The following CPNE4 variants were observed in gnomAD, a reference collection of about 807,000 sequenced individuals.
CPNE4 encodes the protein copine 4.
A neutral mutation model predicts 67.9 loss-of-function variants in CPNE4; 25 were observed. The ratio of observed to expected loss-of-function variants is 0.37; its 90% CI spans 0.27 to 0.51. The LOEUF is 0.51. CPNE4 is among the 20% of genes least tolerant of loss of function. CPNE4 has a pLI of 0.93. For missense variants in CPNE4, 464 were observed against 690.8 expected (o/e 0.67, Z 3.68); for synonymous variants, 242 against 244.9 (o/e 0.99, Z 0.11).
At chr3:131,869,675 C>CTTTATT (rs1265361321) in intron 2 of CPNE4, among the ~76,000 whole-genome samples, 3 of 152,086 alleles carry the variant, frequency 2.0e-5, no homozygotes, top group Admixed American at 6.6e-5. Flanking sequence ...TTTATTTTGA[C>CTTTATT]TTTATTTTTT....
intron 2 of CPNE4, among the ~76,000 whole-genome samples, chr3:131,834,523 T>C (rs964615288): frequency 6.6e-6 from 1 of 152,132 alleles, no homozygotes; most frequent in African/African-American, 2.4e-5. Flanking sequence ...TTATATGTGT[T>C]AGTAAAGAAT....
chr3:131,951,703 C>G (rs897809486), intron 1 of CPNE4, among the ~76,000 whole-genome samples: 1 of 152,172 alleles, frequency 6.6e-6, no homozygotes, highest in Non-Finnish European at 1.5e-5. Context: ...CCTGCGACTG[C>G]AAGCGCGTGC....
At chr3:131,942,467 A>T (rs199774404) in intron 1 of CPNE4, among the ~76,000 whole-genome samples, 1,558 of 34,966 alleles carry the variant, frequency 0.045, 2 homozygotes, top group African/African-American at 0.067. Flanking sequence ...TGTGTGTGAG[A>T]GAGAGAGAGA....
At chr3:131,609,653 G>T (rs1318000700) in intron 7 of CPNE4, among the ~76,000 whole-genome samples, 3 of 152,156 alleles carry the variant, frequency 2.0e-5, no homozygotes, top group Non-Finnish European at 4.4e-5. Flanking sequence ...CATGTTAAAT[G>T]ATACATGTAA....
chr3:131,535,233 A>G lies in CPNE4; in HGVS notation c.1636T>C (p.Ser546Pro). 4 of 1,613,716 alleles carry G rather than the reference A, an allele frequency of 2.5e-6. No homozygotes were observed. The highest frequency in any genetic ancestry group is 3.4e-6 in the Non-Finnish European group (4 of 1,179,942). ...GTTCTGGAAGATTCATACATTTCTG[A>G]TGAACATTTTGGTTTAATTCCTTTG... ...NGKGIKPKCS[S>P]EMYESSRTLA... The change falls in exon 16 of 16, where the codon TCA (serine) becomes CCA (proline). Residue 546 changes from serine (S) to proline (P), a missense_variant. Transcript: ENST00000429747.
At chr3:131,727,691 CAAGA>C (rs1352390639) in intron 2 of CPNE4, among the ~76,000 whole-genome samples, 27 of 152,158 alleles carry the variant, frequency 1.8e-4, no homozygotes, top group Admixed American at 1.6e-3. Context: ...TCACCACAAT[CAAGA>C]GAGTGAGCAT....
At chr3:131,673,980 T>C (rs1464338062) in intron 6 of CPNE4, among the ~76,000 whole-genome samples, 1 of 150,750 alleles carries the variant, frequency 6.6e-6, no homozygotes, top group Non-Finnish European at 1.5e-5. Context: ...TGTTGACGTA[T>C]GTTTCTTCTA....
rs1007370196 is a variant in CPNE4, at chr3:131,534,627, C to A, written c.*568G>T. 1.3e-5 allele frequency: 2 copies of A among 152,164 alleles called. No homozygotes were observed. Among genetic ancestry groups the A allele is most frequent in the Non-Finnish European group, 2.9e-5 (2 of 68,034 alleles). 9.4% of individuals were successfully genotyped at this position (152,164 alleles called of 1,614,324 possible). ...CCCAGACTTACCTCAAAAAGACTCACCTCAGAAAGAAGAAGTAAATAAACC... is the reference window on the plus strand; with the variant it reads ...CCCAGACTTACCTCAAAAAGACTCAACTCAGAAAGAAGAAGTAAATAAACC... On this transcript the variant is annotated 3_prime_UTR_variant, in exon 16 of 16. Transcript: ENST00000429747.
chr3:131,969,841 C>T (rs773521474), intron 1 of CPNE4, among the ~76,000 whole-genome samples: 1 of 152,166 alleles, frequency 6.6e-6, no homozygotes, highest in African/African-American at 2.4e-5. Flanking sequence ...GACCTAAGGA[C>T]CTCAGTTCCA....
Position 131,727,667 on chromosome 3 carries a change from T to C in CPNE4, c.181-4042A>G, listed in dbSNP as rs1341508420. Among the ~76,000 whole-genome samples, 9 of 152,292 alleles carry C rather than the reference T, an allele frequency of 5.9e-5. No homozygotes were observed. In the South Asian group the frequency reaches 1.5e-3, roughly 25 times the overall value. ...AATTCAATATGTTTTGACACATATA[T>C]ACTTGTGAAAACATCACCACAATCA... On this transcript the variant is annotated intron_variant, in intron 2 of 15. Coordinates refer to ENST00000429747, the MANE Select transcript of CPNE4 (RefSeq NM_130808.3).
At chr3:131,659,283 A>G (rs1173103494) in intron 7 of CPNE4, among the ~76,000 whole-genome samples, 2 of 151,222 alleles carry the variant, frequency 1.3e-5, no homozygotes, top group Non-Finnish European at 2.9e-5. Context: ...TTCTACTCAG[A>G]ATAATCCTTC....
At chr3:131,900,014 T>C (rs1258049226) in intron 2 of CPNE4, among the ~76,000 whole-genome samples, 1 of 152,036 alleles carries the variant, frequency 6.6e-6, no homozygotes, top group Non-Finnish European at 1.5e-5. Flanking sequence ...CTAACAGGGA[T>C]GCTAGGTCAT....
At chr3:131,977,332 C>T (rs944849095) in intron 1 of CPNE4, among the ~76,000 whole-genome samples, 6 of 152,056 alleles carry the variant, frequency 3.9e-5, no homozygotes, top group African/African-American at 1.4e-4. Flanking sequence ...AGCAAGACAC[C>T]ATTTTGTTGT....
At chr3:131,890,085 T>C (rs529752885) in intron 2 of CPNE4, among the ~76,000 whole-genome samples, 64 of 151,990 alleles carry the variant, frequency 4.2e-4, no homozygotes, top group African/African-American at 1.5e-3. Flanking sequence ...CATAGACAAG[T>C]GAGATAGTGT....
At chr3:131,580,180 A>T (rs1354217613) in intron 9 of CPNE4, among the ~76,000 whole-genome samples, 1 of 152,222 alleles carries the variant, frequency 6.6e-6, no homozygotes, top group Admixed American at 6.5e-5. Context: ...GACTTACTCA[A>T]GGCTCATATG....
At chr3:131,899,900 T>C (rs1583424173) in intron 2 of CPNE4, among the ~76,000 whole-genome samples, 1 of 152,212 alleles carries the variant, frequency 6.6e-6, no homozygotes, top group East Asian at 1.9e-4. Flanking sequence ...GAGAGAAACC[T>C]GTTTTGTTGA....
intron 1 of CPNE4, among the ~76,000 whole-genome samples, chr3:131,943,608 G>T (rs949190104): frequency 6.6e-6 from 1 of 151,976 alleles, no homozygotes; most frequent in Non-Finnish European, 1.5e-5. Context: ...CATTAATTCT[G>T]TTCTTCCTTT....
intron 1 of CPNE4, among the ~76,000 whole-genome samples, chr3:132,004,923 A>G (rs540257783): frequency 7.2e-5 from 11 of 152,220 alleles, no homozygotes; most frequent in Admixed American, 6.5e-4. Context: ...CCACTAGAAT[A>G]GATTCTTTTG....
intron 7 of CPNE4, among the ~76,000 whole-genome samples, chr3:131,630,568 A>G (rs1377253789): frequency 6.6e-6 from 1 of 152,242 alleles, no homozygotes; most frequent in Non-Finnish European, 1.5e-5. Flanking sequence ...ACCACTAGAC[A>G]TATGTGGCTA....
Sources: gnomAD v4.1 joint callset for allele counts (sites outside exome capture counted in the v4.1 genomes callset) on GRCh38, gnomAD v4.1.1 for gene constraint, MANE v1.5 for transcripts, NCBI Gene and HGNC (gene_info 2026-07-23, HGNC 2026-07-21) for gene names.